Variants in MGAT4C observed in about 807,000 individuals in gnomAD.
The protein encoded by MGAT4C is MGAT4 family member C.
A neutral mutation model predicts 40.1 loss-of-function variants in MGAT4C; 19 were observed. That is an observed-to-expected ratio of 0.47 (90% CI 0.33 to 0.70). MGAT4C has a LOEUF of 0.70. Among genes scored for constraint, MGAT4C ranks in the 30% least tolerant of loss-of-function variants. MGAT4C has a pLI of 0.02. For synonymous variants in MGAT4C, 181 were observed against 187.1 expected, an observed-to-expected ratio of 0.97 and a Z score of 0.27; for missense variants, 491 against 563.2, an observed-to-expected ratio of 0.87 and a Z score of 1.30.
rs559137703 is a variant in MGAT4C, at chr12:86,137,524, C to A, written c.-56-87801G>T. 3.3e-5 allele frequency among the ~76,000 whole-genome samples: 5 copies of A among 152,310 alleles called. No individual in the cohort carries two copies. The South Asian group carries it at 1.0e-3, about 32-fold the overall frequency. On this transcript the variant is annotated intron_variant, in intron 1 of 4. Transcript: ENST00000611864. ...TATAAAACATTACTTCTTATATAAT[C>A]AGTCCTAAGTTTAAACAAGCCCTTT...
At chr12:86,751,275 A>T (rs145645356) in intron 1 of MGAT4C, among the ~76,000 whole-genome samples, 1 of 152,146 alleles carries the variant, frequency 6.6e-6, no homozygotes, top group African/African-American at 2.4e-5. Flanking sequence ...AATCCAAAAA[A>T]ATATAGAGCC....
intron 1 of MGAT4C, among the ~76,000 whole-genome samples, chr12:86,106,451 CCA>C (rs1876196196): frequency 6.6e-6 from 1 of 152,080 alleles, no homozygotes; most frequent in Non-Finnish European, 1.5e-5. Flanking sequence ...CACGTTCCCG[CCA>C]GGATGCCTGG....
At chr12:86,342,600 G>A (rs573840327) in intron 3 of MGAT4C, among the ~76,000 whole-genome samples, 10 of 152,138 alleles carry the variant, frequency 6.6e-5, no homozygotes, top group East Asian at 3.9e-4. Context: ...CACCACGCCC[G>A]GCTAATTTTT....
intron 3 of MGAT4C, among the ~76,000 whole-genome samples, chr12:86,406,107 T>C (rs919171864): frequency 1.4e-5 from 2 of 147,832 alleles, no homozygotes; most frequent in Non-Finnish European, 3.0e-5. Context: ...TTTCACCTAG[T>C]AAACAAAAAT....
At chr12:86,194,269 GT>G (rs146800158) in intron 1 of MGAT4C, among the ~76,000 whole-genome samples, 12 of 150,820 alleles carry the variant, frequency 8.0e-5, no homozygotes, top group Admixed American at 3.3e-4. Flanking sequence ...AATAACCCTT[GT>G]TTTTTTTTAT....
intron 1 of MGAT4C, among the ~76,000 whole-genome samples, chr12:86,738,366 A>T (rs142330408): frequency 1.3e-5 from 2 of 151,446 alleles, no homozygotes; most frequent in African/African-American, 2.4e-5. Flanking sequence ...TTAACTTTTT[A>T]AAAAATTGTA....
intron 4 of MGAT4C, among the ~76,000 whole-genome samples, chr12:86,312,423 C>T (rs1376404122): frequency 6.6e-6 from 1 of 152,190 alleles, no homozygotes; most frequent in Non-Finnish European, 1.5e-5. Context: ...TTTTCTCGCA[C>T]ATATAAGGCA....
chr12:86,597,745 T>C (rs1028671694), intron 2 of MGAT4C, among the ~76,000 whole-genome samples: 2 of 152,058 alleles, frequency 1.3e-5, no homozygotes, highest in Non-Finnish European at 2.9e-5. Context: ...TTTCATCCCC[T>C]ATTCCCCTCT....
At chr12:86,053,706 A>T (rs1196826556) in intron 1 of MGAT4C, among the ~76,000 whole-genome samples, 1 of 152,046 alleles carries the variant, frequency 6.6e-6, no homozygotes, top group Non-Finnish European at 1.5e-5. Flanking sequence ...TTCTAAATGT[A>T]TAAGGAACTC....
chr12:86,759,156 G>A (rs920446906), intron 1 of MGAT4C, among the ~76,000 whole-genome samples: 2 of 152,036 alleles, frequency 1.3e-5, no homozygotes, highest in African/African-American at 4.8e-5. Context: ...TCTGTGCCTA[G>A]CTTATTTAAT....
intron 2 of MGAT4C, among the ~76,000 whole-genome samples, chr12:86,597,357 C>T (rs1961580758): frequency 1.3e-5 from 2 of 152,126 alleles, no homozygotes; most frequent in Admixed American, 1.3e-4. Context: ...GAACCGAAAC[C>T]ATCCCTGTAA....
chr12:86,619,666 G>T (rs943228623), intron 2 of MGAT4C, among the ~76,000 whole-genome samples: 1 of 151,214 alleles, frequency 6.6e-6, no homozygotes, highest in Non-Finnish European at 1.5e-5. Flanking sequence ...TTCTTTTTTG[G>T]CCTTTTTTTA....
intron 4 of MGAT4C, among the ~76,000 whole-genome samples, chr12:85,981,772 A>C (rs1046341212): frequency 4.6e-5 from 7 of 152,232 alleles, no homozygotes; most frequent in African/African-American, 1.7e-4. Flanking sequence ...TACACTTAGT[A>C]GGTGATGCTG....
intron 2 of MGAT4C, among the ~76,000 whole-genome samples, chr12:86,515,245 C>A (rs970131333): frequency 6.6e-6 from 1 of 152,118 alleles, no homozygotes; most frequent in Non-Finnish European, 1.5e-5. Context: ...CAAAATAATT[C>A]ATTTCTCACT....
chr12:86,558,036 T>C (rs1392121433), intron 2 of MGAT4C, among the ~76,000 whole-genome samples: 1 of 151,578 alleles, frequency 6.6e-6, no homozygotes, highest in South Asian at 2.1e-4. Context: ...AGCAACCAAA[T>C]AGAAATCCTG....
At chr12:86,787,208 T>A (rs896522738) in intron 1 of MGAT4C, among the ~76,000 whole-genome samples, 1 of 152,144 alleles carries the variant, frequency 6.6e-6, no homozygotes, top group Non-Finnish European at 1.5e-5. Flanking sequence ...GTGTACACAT[T>A]GTTTAGCTCT....
chr12:86,469,091 T>C (rs1315917653), intron 2 of MGAT4C, among the ~76,000 whole-genome samples: 1 of 152,138 alleles, frequency 6.6e-6, no homozygotes, highest in East Asian at 1.9e-4. Context: ...ATGTATCCTA[T>C]GGCCTAAAAC....
chr12:86,523,402 G>C (rs1239017795), intron 2 of MGAT4C, among the ~76,000 whole-genome samples: 4 of 152,140 alleles, frequency 2.6e-5, no homozygotes, highest in Non-Finnish European at 4.4e-5. Flanking sequence ...ATATGGTTTT[G>C]AGTGAGTTCA....
At chr12:86,178,118 G>A (rs753492677) in intron 1 of MGAT4C, among the ~76,000 whole-genome samples, 27 of 151,828 alleles carry the variant, frequency 1.8e-4, no homozygotes, top group Middle Eastern at 3.4e-3. Context: ...TTGTATTTTT[G>A]GTAGAGACAG....
Sources: allele counts gnomAD v4.1 joint callset (sites outside exome capture counted in the v4.1 genomes callset), GRCh38; gene constraint gnomAD v4.1.1; transcripts MANE v1.5; gene names NCBI Gene and HGNC (gene_info 2026-07-23, HGNC 2026-07-21).